Variants in C1GALT1 observed in about 807,000 individuals in gnomAD.
C1GALT1 encodes core 1 synthase, glycoprotein-N-acetylgalactosamine 3-beta-galactosyltransferase 1, also known as glycoprotein-N-acetylgalactosamine 3-beta-galactosyltransferase 1.
C1GALT1 carries 11 observed loss-of-function variants against 31.0 expected under a neutral mutation model. The observed-to-expected ratio is 0.36, with a 90% CI of 0.22 to 0.59. C1GALT1 has a LOEUF of 0.59. Among genes scored for constraint, C1GALT1 ranks in the 20% least tolerant of loss-of-function variants. The probability of loss-of-function intolerance (pLI) is 0.79; values close to 1 mark genes in which losing one functional copy is unlikely to be tolerated. For synonymous variants in C1GALT1, 175 were observed against 143.6 expected, an observed-to-expected ratio of 1.22 and a Z score of -1.56; for missense variants, 424 against 425.2, an observed-to-expected ratio of 1.00 and a Z score of 0.03.
At chr7:7,200,518 A>G (rs1781489135) in intron 1 of C1GALT1, among the ~76,000 whole-genome samples, 1 of 152,024 alleles carries the variant, frequency 6.6e-6, no homozygotes, top group Non-Finnish European at 1.5e-5. Context: ...CATTCTCTGT[A>G]TTACCAGAAT....
At chr7:7,209,592 T>C (rs1781898907) in intron 1 of C1GALT1, 1 of 152,206 alleles carries the variant, frequency 6.6e-6, no homozygotes, top group East Asian at 1.9e-4. Flanking sequence ...TTCTGAACCT[T>C]GTAATGGATA....
At chr7:7,184,435 T>C (rs1312847493) in intron 1 of C1GALT1, among the ~76,000 whole-genome samples, 1 of 152,244 alleles carries the variant, frequency 6.6e-6, no homozygotes, top group Non-Finnish European at 1.5e-5. Flanking sequence ...TTATGCTTTT[T>C]AAGACTAGAC....
chr7:7,233,234 G>C (rs574739098), intron 1 of C1GALT1, among the ~76,000 whole-genome samples: 2 of 152,034 alleles, frequency 1.3e-5, no homozygotes, highest in South Asian at 4.1e-4. Flanking sequence ...CCAAAATCTA[G>C]ATCTTGCAGT....
At chr7:7,236,902 C>A (rs1783383478) in intron 2 of C1GALT1, among the ~76,000 whole-genome samples, 1 of 152,124 alleles carries the variant, frequency 6.6e-6, no homozygotes, top group Non-Finnish European at 1.5e-5. Context: ...ATATTATATG[C>A]CTCCATTGTT....
At chr7:7,168,838 C>T (rs180998673) in intron 2 of C1GALT1, among the ~76,000 whole-genome samples, 1 of 152,292 alleles carries the variant, frequency 6.6e-6, no homozygotes, top group Admixed American at 6.5e-5. Flanking sequence ...TAAAAATATA[C>T]ACCGAATCAT....
At chr7:7,213,151 CT>C (rs1782083184) in intron 1 of C1GALT1, among the ~76,000 whole-genome samples, 1 of 152,160 alleles carries the variant, frequency 6.6e-6, no homozygotes, top group Non-Finnish European at 1.5e-5. Flanking sequence ...CCCATATCTT[CT>C]TTCTCAATTT....
intron 2 of C1GALT1, among the ~76,000 whole-genome samples, chr7:7,237,515 CCTT>C (rs1263260114): frequency 6.6e-6 from 1 of 152,152 alleles, no homozygotes; most frequent in Non-Finnish European, 1.5e-5. Context: ...GGTATAAGCT[CCTT>C]ATTTCTTTGC....
At chr7:7,233,167 A>C (rs2128248371) in intron 1 of C1GALT1, among the ~76,000 whole-genome samples, 1 of 152,314 alleles carries the variant, frequency 6.6e-6, no homozygotes, top group Non-Finnish European at 1.5e-5. Context: ...GGGGCAGTTC[A>C]ACAGGCATCT....
upstream of C1GALT1, among the ~76,000 whole-genome samples, chr7:7,180,629 T>C (rs565595829): frequency 5.3e-4 from 80 of 152,238 alleles, no homozygotes; most frequent in Non-Finnish European, 1.1e-3. Context: ...ATTTAAGAAA[T>C]GGTTATCTCT....
At chr7:7,237,607 T>C (rs1783426099) in intron 2 of C1GALT1, among the ~76,000 whole-genome samples, 1 of 152,240 alleles carries the variant, frequency 6.6e-6, no homozygotes. Flanking sequence ...TGTTTTTGAT[T>C]GGTGGATTTA....
intron 1 of C1GALT1, among the ~76,000 whole-genome samples, chr7:7,215,295 G>A (rs919103214): frequency 6.6e-6 from 1 of 152,094 alleles, no homozygotes; most frequent in Non-Finnish European, 1.5e-5. Flanking sequence ...ACACCAGATT[G>A]TTTATAACTG....
At chr7:7,229,790 T>G (rs551818785) in intron 1 of C1GALT1, among the ~76,000 whole-genome samples, 61 of 152,300 alleles carry the variant, frequency 4.0e-4, no homozygotes, top group Non-Finnish European at 7.9e-4. Flanking sequence ...TGAGACCCCC[T>G]CATCAGAGAA....
intron 1 of C1GALT1, among the ~76,000 whole-genome samples, chr7:7,207,357 T>C (rs1350937302): frequency 9.9e-6 from 1 of 101,428 alleles, no homozygotes; most frequent in Non-Finnish European, 2.0e-5. Context: ...TTTTTTTTTT[T>C]TTTTTTTTGA....
At chr7:7,222,313 G>C (rs562648548) in intron 1 of C1GALT1, among the ~76,000 whole-genome samples, 6 of 152,200 alleles carry the variant, frequency 3.9e-5, no homozygotes, top group African/African-American at 1.4e-4. Flanking sequence ...TAATTTTCTG[G>C]AATGATTTAT....
At chr7:7,187,600 G>A (rs1780877672) in intron 1 of C1GALT1, among the ~76,000 whole-genome samples, 2 of 152,196 alleles carry the variant, frequency 1.3e-5, no homozygotes, top group South Asian at 4.1e-4. Flanking sequence ...GGCCAGGGAT[G>A]CTGGCTAAAT....
In C1GALT1 at chr7:7,244,823, T is replaced by G. The variant is rs533798665; in HGVS notation, c.*1096T>G. 2.0e-5 allele frequency: 3 copies of G among 152,308 alleles called. No homozygotes were observed. The South Asian group carries it at 6.2e-4, about 32-fold the overall frequency. 9.4% of individuals were successfully genotyped at this position (152,308 alleles called of 1,614,324 possible). A position where few individuals can be genotyped will look rare whatever the true frequency, so the allele number is the denominator to read the frequency against. The stretch of plus-strand genomic sequence containing the variant: ...TTAGAAAGCAAGATTTTGATGAGAA[T>G]TAAAAACAATAGAAAATGTAGAGTG... On this transcript the variant is annotated 3_prime_UTR_variant, in exon 4 of 4. Transcript: ENST00000436587.
At chr7:7,167,382 T>A (rs1780409824) in intron 2 of C1GALT1, among the ~76,000 whole-genome samples, 3 of 152,170 alleles carry the variant, frequency 2.0e-5, no homozygotes, top group Admixed American at 2.0e-4. Flanking sequence ...AATAGTGTAT[T>A]AAGAATGTTA....
rs186786307 is a variant in C1GALT1, at chr7:7,190,207, G to A, written c.-18+7387G>A. Among the ~76,000 whole-genome samples, 14 of 152,204 alleles carry A rather than the reference G, an allele frequency of 9.2e-5. No homozygotes were observed. The South Asian group carries it at 1.7e-3, about 18-fold the overall frequency. ...GGTGGAGTTTGGATAAAGTTTAAAC[G>A]CAACAATATTTGATAAGCTTAAAGC... On this transcript the variant is annotated intron_variant, in intron 1 of 3. Transcript: ENST00000436587.
chr7:7,190,047 G>C (rs1375759493), intron 1 of C1GALT1, among the ~76,000 whole-genome samples: 2 of 151,966 alleles, frequency 1.3e-5, no homozygotes, highest in Non-Finnish European at 2.9e-5. Context: ...GATTCATCTG[G>C]TAGAGACCAC....
Sources: allele counts gnomAD v4.1 joint callset (sites outside exome capture counted in the v4.1 genomes callset), GRCh38; gene constraint gnomAD v4.1.1; transcripts MANE v1.5; gene names NCBI Gene and HGNC (gene_info 2026-07-23, HGNC 2026-07-21).